NKAIN3: variants seen among roughly 807,000 people sequenced by gnomAD.
NKAIN3 encodes sodium/potassium transporting ATPase interacting 3, also known as sodium/potassium-transporting ATPase subunit beta-1-interacting protein 3.
Under a neutral mutation model 30.2 loss-of-function variants are expected in NKAIN3, and 25 were observed. The ratio of observed to expected loss-of-function variants is 0.83; its 90% confidence interval spans 0.60 to 1.16. The LOEUF (loss-of-function observed/expected upper bound fraction) is 1.16, where lower values mean the gene tolerates loss of function less well. NKAIN3 is among the 50% of genes most tolerant of loss of function. NKAIN3 has a pLI of 0.00. For missense variants in NKAIN3, 225 were observed against 254.1 expected, an observed-to-expected ratio of 0.89 and a Z score of 0.78; for synonymous variants, 91 against 89.6, an observed-to-expected ratio of 1.02 and a Z score of -0.09.
At chr8:62,556,749 C>G (rs1030945811) in intron 1 of NKAIN3, among the ~76,000 whole-genome samples, 1 of 151,602 alleles carries the variant, frequency 6.6e-6, no homozygotes, top group Non-Finnish European at 1.5e-5. Context: ...CCATTTTGAA[C>G]TTATATTAAT....
intron 3 of NKAIN3, among the ~76,000 whole-genome samples, chr8:62,659,284 CA>C (rs1183962086): frequency 4.6e-5 from 7 of 152,214 alleles, no homozygotes; most frequent in Non-Finnish European, 8.8e-5. Flanking sequence ...TGACATCCCA[CA>C]AAGAGCCTCC....
intron 1 of NKAIN3, among the ~76,000 whole-genome samples, chr8:62,525,071 T>C (rs189569265): frequency 1.5e-3 from 230 of 152,266 alleles, no homozygotes; most frequent in Middle Eastern, 0.01. Flanking sequence ...TGATTTCATA[T>C]AAATTTCTTC....
At chr8:62,940,629 G>C (rs1822926221) in intron 5 of NKAIN3, among the ~76,000 whole-genome samples, 1 of 152,002 alleles carries the variant, frequency 6.6e-6, no homozygotes, top group Admixed American at 6.6e-5. Flanking sequence ...TCAAAACCCT[G>C]CAAATATATA....
At chr8:62,508,887 C>T (rs1585887795) in intron 1 of NKAIN3, among the ~76,000 whole-genome samples, 1 of 132,028 alleles carries the variant, frequency 7.6e-6, no homozygotes, top group African/African-American at 3.1e-5. Context: ...ATATAACAAA[C>T]ATCCAGATGC....
intron 1 of NKAIN3, among the ~76,000 whole-genome samples, chr8:62,366,223 C>CTTTTTTTTTTTTTTTTTTTTT (rs71255329): frequency 7.7e-6 from 1 of 129,594 alleles, no homozygotes; most frequent in African/African-American, 2.9e-5. Context: ...ATTCTGTTTC[C>CTTTTTTTTTTTTTTTTTTTTT]TTTTTTTTTT....
chr8:62,960,827 G>A (rs896646671), intron 6 of NKAIN3, among the ~76,000 whole-genome samples: 1 of 151,904 alleles, frequency 6.6e-6, no homozygotes, highest in Non-Finnish European at 1.5e-5. Flanking sequence ...ATTCCATTCT[G>A]CCTTGAGGGC....
intron 1 of NKAIN3, among the ~76,000 whole-genome samples, chr8:62,523,335 C>G (rs910714213): frequency 4.6e-5 from 7 of 152,088 alleles, no homozygotes; most frequent in African/African-American, 1.7e-4. Context: ...ACACATTTCT[C>G]AGAACATATC....
rs546085929 is a variant in NKAIN3, at chr8:62,666,170, G to A, written c.273+76376G>A. ...AGAGGTTGAAGTGAGCCGAGATCACGCCACTGCACTCCAGGCTGGGCGACA... is the reference window on the plus strand; with the variant it reads ...AGAGGTTGAAGTGAGCCGAGATCACACCACTGCACTCCAGGCTGGGCGACA... On this transcript the variant is annotated intron_variant, in intron 3 of 6. Coordinates refer to ENST00000623646, the MANE Select transcript of NKAIN3 (RefSeq NM_001304533.3). 1.1e-4 allele frequency among the ~76,000 whole-genome samples: 16 copies of A among 152,190 alleles called. No homozygotes were observed. In the East Asian group the frequency reaches 2.7e-3, roughly 26 times the overall value.
intron 4 of NKAIN3, among the ~76,000 whole-genome samples, chr8:62,828,193 C>A (rs1819083678): frequency 6.6e-6 from 1 of 151,918 alleles, no homozygotes; most frequent in Non-Finnish European, 1.5e-5. Context: ...TTTTCACATT[C>A]TAGAAAAGAT....
At chr8:62,624,040 G>A (rs999171763) in intron 3 of NKAIN3, among the ~76,000 whole-genome samples, 3 of 152,086 alleles carry the variant, frequency 2.0e-5, no homozygotes, top group African/African-American at 7.2e-5. Context: ...TACTGATGTT[G>A]CCATGGCATT....
intron 1 of NKAIN3, among the ~76,000 whole-genome samples, chr8:62,259,186 A>G (rs1812353401): frequency 6.6e-6 from 1 of 152,212 alleles, no homozygotes; most frequent in South Asian, 2.1e-4. Context: ...GTTAAGATTT[A>G]TAGTATTTTG....
At chr8:62,501,613 A>G (rs1007528256) in intron 1 of NKAIN3, among the ~76,000 whole-genome samples, 1 of 152,158 alleles carries the variant, frequency 6.6e-6, no homozygotes, top group Non-Finnish European at 1.5e-5. Flanking sequence ...ATTACGAGAA[A>G]TGTGCATTAC....
chr8:62,780,667 C>T (rs1330870245), intron 4 of NKAIN3, among the ~76,000 whole-genome samples: 1 of 151,970 alleles, frequency 6.6e-6, no homozygotes, highest in Non-Finnish European at 1.5e-5. Flanking sequence ...ATCACATAGA[C>T]AGAATTAAAG....
intron 4 of NKAIN3, among the ~76,000 whole-genome samples, chr8:62,901,175 C>T (rs756089303): frequency 1.3e-5 from 2 of 152,166 alleles, no homozygotes; most frequent in African/African-American, 2.4e-5. Flanking sequence ...GCCCAGTAGT[C>T]AATGACATGA....
rs745563039 is a variant in NKAIN3 at position 62,249,175 on chromosome 8, A to T, written c.54+48A>T. ...CCCCAGGACAGGTCCCTGCTCCAGG[A>T]CCGGCCTCTGCGACTCCCTCTGCGG... On this transcript the variant is annotated intron_variant, in intron 1 of 6. Transcript: ENST00000623646. 5 of 1,458,718 alleles carry T rather than the reference A, an allele frequency of 3.4e-6. No individual in the cohort carries two copies. The South Asian group carries it at 6.3e-5, about 18-fold the overall frequency. The allele number at this position is 1,458,718 out of a possible 1,614,324, so 90.4% of individuals were successfully genotyped here.
At chr8:62,328,718 C>T (rs1423492431) in intron 1 of NKAIN3, among the ~76,000 whole-genome samples, 1 of 152,052 alleles carries the variant, frequency 6.6e-6, no homozygotes, top group African/African-American at 2.4e-5. Context: ...CAGAACTTTG[C>T]ATAAATGTGT....
At chr8:62,819,670 T>G (rs1442490694) in intron 4 of NKAIN3, among the ~76,000 whole-genome samples, 1 of 151,906 alleles carries the variant, frequency 6.6e-6, no homozygotes, top group Non-Finnish European at 1.5e-5. Flanking sequence ...GTGCATTGGA[T>G]GAAGATGACA....
chr8:62,617,825 G>T (rs1563485806), intron 3 of NKAIN3, among the ~76,000 whole-genome samples: 1 of 152,150 alleles, frequency 6.6e-6, no homozygotes, highest in African/African-American at 2.4e-5. Context: ...ATACCTTCTT[G>T]TCCTCCCCCA....
intron 4 of NKAIN3, among the ~76,000 whole-genome samples, chr8:62,841,853 T>C (rs1040329607): frequency 6.6e-6 from 1 of 152,016 alleles, no homozygotes; most frequent in African/African-American, 2.4e-5. Flanking sequence ...CATATGGGAG[T>C]TCTATTTTTA....
Sources: gnomAD v4.1 joint callset for allele counts (sites outside exome capture counted in the v4.1 genomes callset) on GRCh38, gnomAD v4.1.1 for gene constraint, MANE v1.5 for transcripts, NCBI Gene and HGNC (gene_info 2026-07-23, HGNC 2026-07-21) for gene names.